NTM: variants seen among roughly 807,000 people sequenced by gnomAD.
NTM encodes neurotrimin.
A neutral mutation model predicts 42.1 loss-of-function variants in NTM; 13 were observed. That is an observed-to-expected ratio of 0.31 (90% CI 0.20 to 0.49). The LOEUF (loss-of-function observed/expected upper bound fraction) is 0.49, where lower values mean the gene tolerates loss of function less well. Among genes scored for constraint, NTM ranks in the 20% least tolerant of loss-of-function variants. The pLI is 0.99. For missense variants in NTM, 373 were observed against 452.8 expected (o/e 0.82, Z 1.60); for synonymous variants, 187 against 179.2 (o/e 1.04, Z -0.35).
chr11:131,809,060 TATTAGC>T (rs935464271), intron 1 of NTM, among the ~76,000 whole-genome samples: 1 of 152,210 alleles, frequency 6.6e-6, no homozygotes, highest in Non-Finnish European at 1.5e-5. Context: ...TATGTGGATA[TATTAGC>T]ATTAGCATTA....
At chr11:131,461,935 C>G (rs1411795667) in intron 1 of NTM, among the ~76,000 whole-genome samples, 1 of 152,056 alleles carries the variant, frequency 6.6e-6, no homozygotes, top group Non-Finnish European at 1.5e-5. Flanking sequence ...CCAAGAGAAA[C>G]AAAAACATAG....
chr11:132,031,344 G>A (rs2075891170), intron 2 of NTM, among the ~76,000 whole-genome samples: 1 of 152,190 alleles, frequency 6.6e-6, no homozygotes, highest in South Asian at 2.1e-4. Flanking sequence ...CTGGGACCAT[G>A]AGAATAGACT....
At chr11:131,685,965 T>G (rs533331018) in intron 1 of NTM, among the ~76,000 whole-genome samples, 48 of 152,308 alleles carry the variant, frequency 3.2e-4, no homozygotes, top group African/African-American at 1.2e-3. Flanking sequence ...TCAGGATGCT[T>G]ACAAAGAAGT....
At chr11:131,964,783 A>G (rs2062622792) in intron 2 of NTM, among the ~76,000 whole-genome samples, 1 of 152,156 alleles carries the variant, frequency 6.6e-6, no homozygotes, top group Non-Finnish European at 1.5e-5. Context: ...TGCTCATTCC[A>G]CATTTTAATG....
rs185860603 is a variant in NTM, at chr11:132,228,246, G to A, written c.526+16099G>A. ...ATACCTCTGCTCTACGTAGGTCCAT[G>A]CCCTGGGAATTCTGTGAACATCCCT... On this transcript the variant is annotated intron_variant, in intron 4 of 8. Transcript: ENST00000683400. Among the ~76,000 whole-genome samples, 316 of 152,266 alleles carry A rather than the reference G, an allele frequency of 2.1e-3. 4 individuals are homozygous for A. Among genetic ancestry groups the A allele is most frequent in the African/African-American group, 7.1e-3 (294 of 41,554 alleles).
At chr11:132,091,898 G>T (rs2136418021) in intron 2 of NTM, among the ~76,000 whole-genome samples, 1 of 152,246 alleles carries the variant, frequency 6.6e-6, no homozygotes, top group African/African-American at 2.4e-5. Flanking sequence ...ATAAATATTT[G>T]TTGAGAAAAC....
At chr11:131,843,209 T>A (rs192315099) in intron 1 of NTM, among the ~76,000 whole-genome samples, 30 of 152,280 alleles carry the variant, frequency 2.0e-4, no homozygotes, top group African/African-American at 7.2e-4. Context: ...TGAATCCACT[T>A]GTTTATTCTT....
At chr11:131,520,320 G>A (rs2049462285) in intron 1 of NTM, among the ~76,000 whole-genome samples, 1 of 152,080 alleles carries the variant, frequency 6.6e-6, no homozygotes, top group East Asian at 1.9e-4. Flanking sequence ...TATCAATAAA[G>A]ATATTATCAA....
chr11:131,954,917 T>G (rs1471674340), intron 2 of NTM, among the ~76,000 whole-genome samples: 2 of 152,236 alleles, frequency 1.3e-5, no homozygotes, highest in African/African-American at 4.8e-5. Context: ...TACACAATAT[T>G]CTATTTTCTA....
At position 132,325,367 on chromosome 11, in the gene NTM, G is replaced by C. The variant is rs1459087203; in HGVS notation, c.935-4786G>C. ...AAAAAGTGGGCAAAGGACATGAACA[G>C]ACACTTCTCAAAAGAAGAGATTTAT... On this transcript the variant is annotated intron_variant, in intron 7 of 8. Transcript: ENST00000683400. 2.6e-5 allele frequency among the ~76,000 whole-genome samples: 4 copies of C among 152,266 alleles called. No homozygotes were observed. The South Asian group carries it at 6.2e-4, about 24-fold the overall frequency.
chr11:132,322,418 A>AAAAG (rs1285382082), intron 7 of NTM, among the ~76,000 whole-genome samples: 2 of 143,838 alleles, frequency 1.4e-5, no homozygotes, highest in African/African-American at 5.2e-5. Context: ...AACAAAGATC[A>AAAAG]AAAGAGACAA....
intron 1 of NTM, among the ~76,000 whole-genome samples, chr11:131,848,939 A>T (rs1236140723): frequency 6.6e-6 from 1 of 152,202 alleles, no homozygotes. Flanking sequence ...GGGTATCGTA[A>T]ATAATTCTTT....
intron 2 of NTM, among the ~76,000 whole-genome samples, chr11:131,942,215 C>G (rs2059871146): frequency 6.6e-6 from 1 of 152,194 alleles, no homozygotes; most frequent in African/African-American, 2.4e-5. Context: ...GTAGGGCCAG[C>G]TGCTGTAATA....
chr11:132,152,767 G>T (rs1052181825), intron 3 of NTM, among the ~76,000 whole-genome samples: 6 of 152,206 alleles, frequency 3.9e-5, no homozygotes, highest in African/African-American at 1.4e-4. Context: ...CTCACCTGAG[G>T]TATCGTCTGT....
In NTM at chr11:131,504,245, G is replaced by C. The variant is rs534300118; in HGVS notation, c.82+133357G>C. Among the ~76,000 whole-genome samples the C allele has an allele frequency of 3.3e-5, 5 of 152,284 alleles. No homozygotes were observed. The South Asian group carries it at 1.0e-3, about 32-fold the overall frequency. On this transcript the variant is annotated intron_variant, in intron 1 of 8. Coordinates refer to ENST00000683400, the MANE Select transcript of NTM (RefSeq NM_001352005.2). ...CACAGCGCATGCCTGAATTCAGCCT[G>C]TTTGGGTTGCCTGTTCCCACTCTGA...
intron 3 of NTM, among the ~76,000 whole-genome samples, chr11:132,166,062 T>G (rs1464980950): frequency 6.6e-6 from 1 of 152,098 alleles, no homozygotes; most frequent in African/African-American, 2.4e-5. Flanking sequence ...ATGGCCCAAG[T>G]TTTCCTTGGC....
intron 3 of NTM, among the ~76,000 whole-genome samples, chr11:132,175,267 T>C (rs532369836): frequency 2.6e-5 from 4 of 152,016 alleles, no homozygotes; most frequent in Admixed American, 6.6e-5. Context: ...GCAGTGGTCG[T>C]CCCATCCTTC....
At chr11:131,454,618 C>T (rs1230211874) in intron 1 of NTM, among the ~76,000 whole-genome samples, 1 of 152,102 alleles carries the variant, frequency 6.6e-6, no homozygotes, top group East Asian at 1.9e-4. Context: ...GAGCTTATAT[C>T]CATCCCACAA....
chr11:131,932,432 C>A (rs1204149022), intron 2 of NTM, among the ~76,000 whole-genome samples: 6 of 152,062 alleles, frequency 3.9e-5, no homozygotes, highest in Non-Finnish European at 8.8e-5. Flanking sequence ...CAGTTTATTG[C>A]AATATATGCT....
Sources: allele counts gnomAD v4.1 joint callset (sites outside exome capture counted in the v4.1 genomes callset), GRCh38; gene constraint gnomAD v4.1.1; transcripts MANE v1.5; gene names NCBI Gene and HGNC (gene_info 2026-07-23, HGNC 2026-07-21).